Variants in LIN52 observed in about 807,000 individuals in gnomAD.
The protein encoded by LIN52 is protein lin-52 homolog.
Under a neutral mutation model 18.5 loss-of-function variants are expected in LIN52, and 4 were observed. The ratio of observed to expected loss-of-function variants is 0.22; its 90% CI spans 0.11 to 0.49. The LOEUF (loss-of-function observed/expected upper bound fraction) is 0.49, where lower values mean the gene tolerates loss of function less well. LIN52 is among the 20% of genes least tolerant of loss of function. The probability of loss-of-function intolerance (pLI) is 0.97; values close to 1 mark genes in which losing one functional copy is unlikely to be tolerated. For missense variants in LIN52, 102 were observed against 139.5 expected (o/e 0.73, Z 1.35); for synonymous variants, 34 against 45.5 (o/e 0.75, Z 1.02).
intron 5 of LIN52, among the ~76,000 whole-genome samples, chr14:74,141,498 C>A (rs2061130740): frequency 6.6e-6 from 1 of 152,176 alleles, no homozygotes. Context: ...GAAGCCTTAC[C>A]ATACAAGCAG....
At chr14:74,168,598 G>A (rs2061259037) in intron 5 of LIN52, among the ~76,000 whole-genome samples, 1 of 152,120 alleles carries the variant, frequency 6.6e-6, no homozygotes, top group Non-Finnish European at 1.5e-5. Context: ...AACCCAGGAG[G>A]CGGAGCTTGC....
intron 5 of LIN52, among the ~76,000 whole-genome samples, chr14:74,104,725 G>T (rs2060886218): frequency 6.7e-6 from 1 of 149,832 alleles, no homozygotes; most frequent in Non-Finnish European, 1.5e-5. Flanking sequence ...AATAAAAAGG[G>T]ATAGGTGAAC....
chr14:74,108,717 T>C (rs953637946), intron 5 of LIN52, among the ~76,000 whole-genome samples: 3 of 152,192 alleles, frequency 2.0e-5, no homozygotes, highest in Non-Finnish European at 4.4e-5. Flanking sequence ...CCTTTGCTTA[T>C]TTGTAAATTG....
chr14:74,091,244 A>C lies in LIN52; in HGVS notation c.32A>C (p.Glu11Ala). The C allele has an allele frequency of 1.2e-6, 2 of 1,610,802 alleles. No individual in the cohort carries two copies. Among genetic ancestry groups the C allele is most frequent in the Non-Finnish European group, 1.7e-6 (2 of 1,177,294 alleles). The change falls in exon 2 of 6, where the codon GAA becomes GCA. Residue 11 changes from glutamate (E) to alanine (A), a missense_variant. Coordinates refer to ENST00000555028, the MANE Select transcript of LIN52 (RefSeq NM_001024674.3). MASPTDGTDLEASLLSFEKLD... is the reference protein window; with the variant it reads MASPTDGTDLAASLLSFEKLD... ...TGTTTTGTTCTAGGGACAGATCTGG[A>C]AGCATCTTTGCTAAGTTTTGAAAAA...
chr14:74,184,031 C>G (rs534964044), intron 5 of LIN52, among the ~76,000 whole-genome samples: 1 of 152,238 alleles, frequency 6.6e-6, no homozygotes, highest in Admixed American at 6.5e-5. Context: ...TAACTGCACC[C>G]CCTAGTTCCT....
At chr14:74,110,405 G>A (rs1160938072) in intron 5 of LIN52, among the ~76,000 whole-genome samples, 1 of 152,200 alleles carries the variant, frequency 6.6e-6, no homozygotes, top group Non-Finnish European at 1.5e-5. Flanking sequence ...TAAGGCCAGT[G>A]TGGTGGCTCA....
chr14:74,153,722 T>C (rs1320778888), intron 5 of LIN52, among the ~76,000 whole-genome samples: 1 of 152,136 alleles, frequency 6.6e-6, no homozygotes, highest in African/African-American at 2.4e-5. Context: ...TTTTGTATTT[T>C]TAGTAGAGAC....
intron 5 of LIN52, among the ~76,000 whole-genome samples, chr14:74,167,535 G>A (rs1158723575): frequency 6.6e-6 from 1 of 152,070 alleles, no homozygotes; most frequent in African/African-American, 2.4e-5. Context: ...CAAAGTGTTG[G>A]GATTACAGGT....
In LIN52 at chr14:74,130,278, G is replaced by GTTTGTTTTTTTTTT. The variant is rs1555382571; in HGVS notation, c.283+29043_283+29044insGTTTTTTTTTTTTT. On this transcript the variant is annotated intron_variant, in intron 5 of 5. Coordinates refer to ENST00000555028, the MANE Select transcript of LIN52 (RefSeq NM_001024674.3). ...GAATTTATTAGATAGGCATTTTTTG[G>GTTTGTTTTTTTTTT]TTTTTTTTTTTTTTTTTTGAGACAG... 1.1e-3 allele frequency among the ~76,000 whole-genome samples: 72 copies of GTTTGTTTTTTTTTT among 64,810 alleles called. 2 individuals carry two copies. Among genetic ancestry groups the GTTTGTTTTTTTTTT allele is most frequent in the African/African-American group, 3.5e-3 (55 of 15,872 alleles). 42.5% of individuals were successfully genotyped at this position (64,810 alleles called of 152,430 possible). A position where few individuals can be genotyped will look rare whatever the true frequency, so the allele number is the denominator to read the frequency against.
At chr14:74,088,458 A>T (rs2060750214) in intron 1 of LIN52, among the ~76,000 whole-genome samples, 1 of 152,176 alleles carries the variant, frequency 6.6e-6, no homozygotes, top group Admixed American at 6.6e-5. Context: ...CCTGGGCTCA[A>T]GCAATCTTCC....
chr14:74,097,913 C>A, intron 4 of LIN52, 53 bp downstream of exon 4: 1 of 1,320,708 alleles, frequency 7.6e-7, no homozygotes, highest in Non-Finnish European at 1.1e-6. Flanking sequence ...TTTCCATAGA[C>A]CACCTCTCTA....
chr14:74,132,314 T>A (rs2061073019), intron 5 of LIN52, among the ~76,000 whole-genome samples: 1 of 152,208 alleles, frequency 6.6e-6, no homozygotes, highest in Non-Finnish European at 1.5e-5. Context: ...TGATAAAATA[T>A]GATTTGCTTC....
intron 4 of LIN52, among the ~76,000 whole-genome samples, chr14:74,099,715 G>C (rs983663464): frequency 7.9e-5 from 12 of 151,948 alleles, no homozygotes; most frequent in Non-Finnish European, 1.8e-4. Context: ...ACAGTGAGTT[G>C]CTAGTGCTGA....
intron 2 of LIN52, among the ~76,000 whole-genome samples, chr14:74,094,197 G>T (rs1457398160): frequency 2.0e-5 from 3 of 151,462 alleles, no homozygotes; most frequent in African/African-American, 7.3e-5. Context: ...TCATTGTATG[G>T]ATATATTATA....
chr14:74,175,044 T>TAATAATAATAATAATAAG (rs71115966), intron 5 of LIN52, among the ~76,000 whole-genome samples: 1 of 148,488 alleles, frequency 6.7e-6, no homozygotes, highest in Non-Finnish European at 1.5e-5. Flanking sequence ...ATAATAATAA[T>TAATAATAATAATAATAAG]GTACACCTGT....
intron 5 of LIN52, among the ~76,000 whole-genome samples, chr14:74,168,121 A>G (rs2061257363): frequency 6.6e-6 from 1 of 152,226 alleles, no homozygotes; most frequent in Non-Finnish European, 1.5e-5. Flanking sequence ...GTTATGAGAT[A>G]CTGCAGGTTA....
chr14:74,099,149 A>C (rs2060836630), intron 4 of LIN52, among the ~76,000 whole-genome samples: 1 of 152,128 alleles, frequency 6.6e-6, no homozygotes, highest in Non-Finnish European at 1.5e-5. Context: ...AAGATTCATG[A>C]TGATTGTGAA....
intron 5 of LIN52, among the ~76,000 whole-genome samples, chr14:74,107,617 G>C (rs553720614): frequency 5.9e-5 from 9 of 152,054 alleles, no homozygotes; most frequent in Non-Finnish European, 1.2e-4. Flanking sequence ...TCCTTGGACT[G>C]ATTGTAACTT....
intron 5 of LIN52, among the ~76,000 whole-genome samples, chr14:74,133,481 G>C (rs1346946804): frequency 6.6e-6 from 1 of 152,020 alleles, no homozygotes; most frequent in Admixed American, 6.6e-5. Flanking sequence ...ATTGTAACAA[G>C]AGCTGCACAT....
Sources: gnomAD v4.1 joint callset for allele counts (sites outside exome capture counted in the v4.1 genomes callset) on GRCh38, gnomAD v4.1.1 for gene constraint, MANE v1.5 for transcripts, NCBI Gene and HGNC (gene_info 2026-07-23, HGNC 2026-07-21) for gene names.